PRDM2: variants seen among roughly 807,000 people sequenced by gnomAD.
The protein encoded by PRDM2 is PR/SET domain 2, also known as PR domain zinc finger protein 2.
PRDM2 carries 30 observed loss-of-function variants against 130.0 expected under a neutral mutation model. The ratio of observed to expected loss-of-function variants is 0.23; its 90% CI spans 0.17 to 0.31. PRDM2 has a LOEUF of 0.31. PRDM2 is among the 10% of genes least tolerant of loss of function. The pLI is 1.00. For synonymous variants in PRDM2, 871 were observed against 782.4 expected (o/e 1.11, Z -1.89); for missense variants, 2,011 against 2,108.4 (o/e 0.95, Z 0.90).
At chr1:13,742,920 T>C (rs115051760) in intron 5 of PRDM2, among the ~76,000 whole-genome samples, 2,808 of 152,342 alleles carry the variant, frequency 0.018, 64 homozygotes, top group South Asian at 0.12. Flanking sequence ...TGTTTCTTCC[T>C]TTCTGCCAAA....
intron 3 of PRDM2, among the ~76,000 whole-genome samples, chr1:13,732,286 A>G (rs1297007658): frequency 6.6e-6 from 1 of 152,190 alleles, no homozygotes; most frequent in Non-Finnish European, 1.5e-5. Context: ...AGGGTTTTCT[A>G]CTTTAAAGCA....
intron 8 of PRDM2, among the ~76,000 whole-genome samples, chr1:13,802,226 C>T (rs1645019007): frequency 6.6e-6 from 1 of 152,206 alleles, no homozygotes; most frequent in African/African-American, 2.4e-5. Flanking sequence ...AACACCCGTT[C>T]AGGCACCAAG....
chr1:13,719,543 A>G (rs142355358), intron 2 of PRDM2, among the ~76,000 whole-genome samples: 60 of 152,336 alleles, frequency 3.9e-4, no homozygotes, highest in African/African-American at 1.2e-3. Flanking sequence ...ACGTGTGTTC[A>G]CTACTGAGAT....
rs1557613974 is a variant in PRDM2 at position 13,744,640 on chromosome 1, A to AT, written c.384+2483_384+2484insT. Among the ~76,000 whole-genome samples, 71 of 149,772 alleles carry AT rather than the reference A, an allele frequency of 4.7e-4. 1 individual carries two copies. Among genetic ancestry groups the AT allele is most frequent in the African/African-American group, 1.5e-3 (62 of 40,950 alleles). ...GTTTGTTGTGAAGGTTAAACAAGCC[A>AT]ATATATATATATATATAAGGTTCTG... On this transcript the variant is annotated intron_variant, in intron 5 of 9. Transcript: ENST00000311066.
At chr1:13,724,498 T>C in intron 2 of PRDM2, among the ~76,000 whole-genome samples, 1 of 91,450 alleles carries the variant, frequency 1.1e-5, no homozygotes, top group Admixed American at 1.3e-4. Flanking sequence ...TTTTCATGGC[T>C]TTTTTTTTTT....
chr1:13,751,287 C>T (rs566002174), intron 6 of PRDM2, among the ~76,000 whole-genome samples: 15 of 152,118 alleles, frequency 9.9e-5, no homozygotes, highest in Non-Finnish European at 1.9e-4. Context: ...TTTTGTACTA[C>T]TCTGGGCAGC....
intron 8 of PRDM2, among the ~76,000 whole-genome samples, chr1:13,810,161 C>CATT (rs60270324): frequency 0.87 from 131,669 of 151,970 alleles, 57,152 homozygotes; most frequent in African/African-American, 0.91. Context: ...CCATCTATAA[C>CATT]AGTTAACCTC....
intron 1 of PRDM2, among the ~76,000 whole-genome samples, chr1:13,702,599 T>C (rs183359052): frequency 6.0e-4 from 92 of 152,360 alleles, no homozygotes; most frequent in Non-Finnish European, 1.2e-3. Flanking sequence ...TATCTGCGCC[T>C]ATTCTTTTGA....
At position 13,803,282 on chromosome 1, in the gene PRDM2, G is replaced by T. The variant is rs990475752; in HGVS notation, c.5037-13145G>T. On this transcript the variant is annotated intron_variant, in intron 8 of 9. Transcript: ENST00000311066. The surrounding 1 kb of genome is among the most constrained non-coding windows in gnomAD (Gnocchi z 6.2). ...ACATTTCAGGGTTGAACCGCACCAG[G>T]AGCCTGGCTTTGCCATCCATTTGTT... 2.6e-5 allele frequency among the ~76,000 whole-genome samples: 4 copies of T among 152,348 alleles called. No individual in the cohort carries two copies. The highest frequency in any genetic ancestry group is 9.6e-5 in the African/African-American group (4 of 41,570).
rs759231382 is a variant in PRDM2 at position 13,781,845 on chromosome 1, A to G, written c.4050A>G (p.Lys1350=). The G allele has an allele frequency of 5.0e-6, 8 of 1,614,062 alleles. No homozygotes were observed. The African/African-American group carries it at 1.1e-4, about 22-fold the overall frequency. The change falls in exon 8 of 10, where the codon AAA becomes AAG. Residue 1350 remains lysine, a synonymous_variant. Coordinates refer to ENST00000311066, the MANE Select transcript of PRDM2 (RefSeq NM_001393986.1). The surrounding 1 kb of genome is among the most constrained non-coding windows in gnomAD (Gnocchi z 6.1). ...TCGACAATATGCCGGAGTTGCACAA[A>G]CATATCCTGGCTTGTGCTTCTGCAA... ...KGVDNMPELH[K]HILACASASD... is the part of the protein sequence containing the mutation.
intron 9 of PRDM2, among the ~76,000 whole-genome samples, chr1:13,821,835 T>A (rs1311627841): frequency 6.6e-6 from 1 of 152,152 alleles, no homozygotes; most frequent in Non-Finnish European, 1.5e-5. Flanking sequence ...ATGTGGTTTC[T>A]GCGGAGGAAG....
chr1:13,781,899 A>C lies in PRDM2; in HGVS notation c.4104A>C (p.Lys1368Asn), dbSNP rs1389969775. ...ACAAGAAGAGGTACACGCCTAAGAA[A>C]AACCCAGTACCATTAAAACAAACTG... is the stretch of plus-strand genomic sequence containing the variant. Reference protein sequence around the residue: ...ASDKKRYTPKKNPVPLKQTVQ... With the variant: ...ASDKKRYTPKNNPVPLKQTVQ... The change falls in exon 8 of 10, where the codon AAA becomes AAC. Residue 1368 changes from lysine to asparagine, a missense_variant. Lys to Asn is a moderately conservative substitution (Grantham distance 94, BLOSUM62 0). Around this residue, in one of 5 missense-constraint regions of PRDM2, gnomAD observed 229 missense variants for 364.1 expected, o/e 0.63. Transcript: ENST00000311066. The surrounding 1 kb of genome is among the most constrained non-coding windows in gnomAD (Gnocchi z 6.1). 1 of 1,614,208 alleles carries C rather than the reference A, an allele frequency of 6.2e-7. No individual in the cohort carries two copies. The highest frequency in any genetic ancestry group is 2.2e-5 in the East Asian group (1 of 44,890).
At chr1:13,799,445 CAA>C (rs5772551) in intron 8 of PRDM2, among the ~76,000 whole-genome samples, 25 of 131,252 alleles carry the variant, frequency 1.9e-4, no homozygotes, top group Admixed American at 2.3e-4. Flanking sequence ...AACTCCATCT[CAA>C]AAAAAAAAAA....
intron 5 of PRDM2, among the ~76,000 whole-genome samples, chr1:13,749,023 G>A (rs1643707354): frequency 6.6e-6 from 1 of 152,162 alleles, no homozygotes; most frequent in African/African-American, 2.4e-5. Flanking sequence ...TAGATTTCGT[G>A]AGCAAAATGG....
intron 8 of PRDM2, among the ~76,000 whole-genome samples, chr1:13,809,671 C>A (rs1267188827): frequency 6.6e-6 from 1 of 152,108 alleles, no homozygotes; most frequent in Non-Finnish European, 1.5e-5. Context: ...TGAGGCTGGC[C>A]GTGGACGCCA....
rs1052616025 is a variant in PRDM2 at position 13,818,183 on chromosome 1, C to T, written c.*23+1613C>T. ...GATGGCCCCCTGGTTCTGGGACACG[C>T]GTAGGTTTGGGAATGTGTGCTTAAC... On this transcript the variant is annotated intron_variant, in intron 9 of 9. Transcript: ENST00000311066. Among the ~76,000 whole-genome samples, 11 of 152,104 alleles carry T rather than the reference C, an allele frequency of 7.2e-5. No individual in the cohort carries two copies. The East Asian group carries it at 1.7e-3, about 24-fold the overall frequency.
intron 8 of PRDM2, among the ~76,000 whole-genome samples, chr1:13,796,579 G>C (rs1270080180): frequency 6.6e-6 from 1 of 152,046 alleles, no homozygotes; most frequent in African/African-American, 2.4e-5. Flanking sequence ...AACATAGTGA[G>C]ACCCCATCTC....
At chr1:13,713,581 A>T (rs1278329594) in intron 1 of PRDM2, among the ~76,000 whole-genome samples, 1 of 152,246 alleles carries the variant, frequency 6.6e-6, no homozygotes, top group Non-Finnish European at 1.5e-5. Context: ...ATGGTAAAGC[A>T]TTATAGCTCT....
intron 6 of PRDM2, among the ~76,000 whole-genome samples, chr1:13,757,618 T>A (rs1180738367): frequency 6.6e-6 from 1 of 152,238 alleles, no homozygotes; most frequent in Non-Finnish European, 1.5e-5. Context: ...TTTTAATTAA[T>A]GTGTAGTCTA....
Sources: gnomAD v4.1 joint callset for allele counts (sites outside exome capture counted in the v4.1 genomes callset) on GRCh38, gnomAD v4.1.1 for gene constraint, gnomAD v4.1.1 regional missense constraint, Gnocchi (gnomAD v3.1) non-coding constraint, MANE v1.5 for transcripts, NCBI Gene and HGNC (gene_info 2026-07-23, HGNC 2026-07-21) for gene names.